The following SMARCA4 variants were observed in gnomAD, a reference collection of about 807,000 sequenced individuals.
The protein encoded by SMARCA4 is SWI/SNF related BAF chromatin remodeling complex subunit ATPase 4.
A neutral mutation model predicts 193.9 loss-of-function variants in SMARCA4; 31 were observed. The ratio of observed to expected loss-of-function variants is 0.16; its 90% CI spans 0.12 to 0.22. The LOEUF (loss-of-function observed/expected upper bound fraction) is 0.22. Ranked by LOEUF, SMARCA4 falls within the 10% of genes least tolerant of loss-of-function variation. The pLI is 1.00. For missense variants in SMARCA4, 1,148 were observed against 2,296.0 expected (o/e 0.50, Z 10.22); for synonymous variants, 942 against 933.1 (o/e 1.01, Z -0.17).
chr19:11,001,647 A>G (rs1441053024), intron 11 of SMARCA4, among the ~76,000 whole-genome samples: 1 of 148,968 alleles, frequency 6.7e-6, no homozygotes, highest in African/African-American at 2.5e-5. Flanking sequence ...TTGTTGGGGT[A>G]AGAGGTTGCT....
intron 30 of SMARCA4, among the ~76,000 whole-genome samples, chr19:11,046,089 G>A (rs1483014230): frequency 1.3e-5 from 2 of 152,162 alleles, no homozygotes; most frequent in Non-Finnish European, 2.9e-5. Flanking sequence ...CAGGCGTGGT[G>A]GCGGGCGCCT....
At position 11,018,120 on chromosome 19, in the gene SMARCA4, G is replaced by A. The variant is rs1483655774; in HGVS notation, c.2439-837G>A. On this transcript the variant is annotated intron_variant, in intron 16 of 34. Transcript: ENST00000344626. ...TCATGGTGGACACAGCACCTCCCTC[G>A]TGGAGCTGCTTGGGGGCAAACCACG... Among the ~76,000 whole-genome samples, 4 of 152,284 alleles carry A rather than the reference G, an allele frequency of 2.6e-5. No homozygotes were observed. In the East Asian group the frequency reaches 5.8e-4, roughly 22 times the overall value.
At chr19:11,002,124 A>G (rs1325850445) in intron 11 of SMARCA4, among the ~76,000 whole-genome samples, 1 of 152,220 alleles carries the variant, frequency 6.6e-6, no homozygotes, top group African/African-American at 2.4e-5. Context: ...GATGGACAGG[A>G]AACTGATACC....
intron 11 of SMARCA4, among the ~76,000 whole-genome samples, chr19:10,996,749 G>C (rs1716842386): frequency 6.6e-6 from 1 of 151,868 alleles, no homozygotes; most frequent in Non-Finnish European, 1.5e-5. Context: ...CTATGCATGT[G>C]CCACAGGATT....
rs1001470840 is a variant in SMARCA4 at position 11,033,573 on chromosome 19, G to A, written c.3774+56G>A. The A allele has an allele frequency of 1.9e-5, 27 of 1,415,634 alleles. No individual in the cohort carries two copies. Among genetic ancestry groups the A allele is most frequent in the African/African-American group, 1.5e-4 (11 of 70,992 alleles). The allele number at this position is 1,415,634 out of a possible 1,614,324, so 87.7% of individuals were successfully genotyped here. On this transcript the variant is annotated intron_variant, in intron 26 of 34. Transcript: ENST00000344626. The surrounding 1 kb of genome is among the most constrained non-coding windows in gnomAD (Gnocchi z 9.8). ...CAGCGTGAATGGTGGACGCGTGAGC[G>A]GCTTTCATTTTTGTTTTTTTACCTT... is the stretch of plus-strand genomic sequence containing the variant.
rs569560327 is a variant in SMARCA4 at position 10,972,464 on chromosome 19, A to G, written c.-32+11290A>G. The stretch of plus-strand genomic sequence containing the variant: ...ATGTGACATTGTGTCATGTTTGGCT[A>G]TTTCTGTCACTCTGCTGTCCACTCC... On this transcript the variant is annotated intron_variant, in intron 1 of 34. Transcript: ENST00000344626. Among the ~76,000 whole-genome samples the G allele has an allele frequency of 2.7e-5, 4 of 148,958 alleles. No individual in the cohort carries two copies. The South Asian group carries it at 6.4e-4, about 24-fold the overall frequency.
chr19:11,018,275 G>C (rs528159486), intron 16 of SMARCA4: 1 of 168,116 alleles, frequency 5.9e-6, no homozygotes, highest in South Asian at 1.4e-4. Context: ...TCCCCTTTGG[G>C]ACTCAGCTTT....
At chr19:11,045,213 G>A (rs1213232382) in intron 30 of SMARCA4, among the ~76,000 whole-genome samples, 43 of 152,152 alleles carry the variant, frequency 2.8e-4, no homozygotes, top group Admixed American at 2.4e-3. Flanking sequence ...CCAGCTACTC[G>A]GGAGGCTGAG....
intron 1 of SMARCA4, among the ~76,000 whole-genome samples, chr19:10,969,211 T>C (rs1416956061): frequency 6.6e-6 from 1 of 152,224 alleles, no homozygotes; most frequent in Non-Finnish European, 1.5e-5. Flanking sequence ...TGCCAAGCCT[T>C]GCTCTAGGGC....
At chr19:10,962,567 A>C (rs2083893920) in intron 1 of SMARCA4, among the ~76,000 whole-genome samples, 1 of 152,040 alleles carries the variant, frequency 6.6e-6, no homozygotes, top group Admixed American at 6.6e-5. Context: ...TTTTTGAGGC[A>C]GAGTCTTGCC....
intron 34 of SMARCA4, among the ~76,000 whole-genome samples, chr19:11,061,199 A>AT (rs2076849781): frequency 9.5e-5 from 7 of 73,826 alleles, no homozygotes; most frequent in Non-Finnish European, 1.5e-4. Context: ...AAAAAAAAAA[A>AT]AAAAAATATA....
intron 11 of SMARCA4, among the ~76,000 whole-genome samples, chr19:11,000,896 C>T (rs1347118530): frequency 2.0e-5 from 3 of 150,566 alleles, no homozygotes; most frequent in Non-Finnish European, 4.4e-5. Flanking sequence ...TGGGAAAGTG[C>T]ATGAAGTGGG....
chr19:11,013,914 C>T (rs956980978), intron 16 of SMARCA4, among the ~76,000 whole-genome samples: 2 of 152,094 alleles, frequency 1.3e-5, no homozygotes, highest in Admixed American at 6.5e-5. Flanking sequence ...AAACAGAGTC[C>T]GCCCCCCTGC....
In SMARCA4 at chr19:11,058,421, G is replaced by A. The variant is rs1033708273; in HGVS notation, c.4533+58G>A. The A allele has an allele frequency of 3.7e-5, 45 of 1,206,264 alleles. No individual in the cohort carries two copies. Among genetic ancestry groups the A allele is most frequent in the Non-Finnish European group, 5.1e-5 (42 of 816,250 alleles). The allele number at this position is 1,206,264 out of a possible 1,614,324, so 74.7% of individuals were successfully genotyped here. A position where few individuals can be genotyped will look rare whatever the true frequency, so the allele number is the denominator to read the frequency against. ...TGCCCGGAGGGGAGTCTGACCCAGG[G>A]GCACCCCCATCTGAGAGCTGTGGTG... On this transcript the variant is annotated intron_variant, in intron 31 of 34. Coordinates refer to ENST00000344626, the MANE Select transcript of SMARCA4 (RefSeq NM_003072.5). The surrounding 1 kb of genome is among the most constrained non-coding windows in gnomAD (Gnocchi z 5.8).
At chr19:11,044,912 G>T (rs1353903092) in intron 30 of SMARCA4, among the ~76,000 whole-genome samples, 1 of 152,198 alleles carries the variant, frequency 6.6e-6, no homozygotes, top group Admixed American at 6.5e-5. Context: ...ATCTACAGGG[G>T]CATGGATCAG....
chr19:10,965,730 T>C (rs2084162235), intron 1 of SMARCA4, among the ~76,000 whole-genome samples: 2 of 152,188 alleles, frequency 1.3e-5, no homozygotes, highest in South Asian at 4.1e-4. Flanking sequence ...TTGTAGGCAG[T>C]TGTGACCCGA....
chr19:10,991,574 G>T (rs1331126979), intron 8 of SMARCA4, among the ~76,000 whole-genome samples: 1 of 152,254 alleles, frequency 6.6e-6, no homozygotes, highest in African/African-American at 2.4e-5. Context: ...ATCAAGCCAG[G>T]ATAGAGAGGA....
intron 16 of SMARCA4, among the ~76,000 whole-genome samples, chr19:11,017,050 G>T (rs1409796047): frequency 6.6e-6 from 1 of 152,114 alleles, no homozygotes; most frequent in Non-Finnish European, 1.5e-5. Flanking sequence ...TCATGTGCGC[G>T]TGCTGATGCT....
rs138145522 is a variant in SMARCA4, at chr19:10,987,096, C to A, written c.859+93C>A. ...ATGAGCTTTGTCAGGGAGAAAGGGC[C>A]GAGGGTGGTCAGGCTGAACTGCAGC... On this transcript the variant is annotated intron_variant, in intron 5 of 34. Transcript: ENST00000344626. The surrounding 1 kb of genome is among the most constrained non-coding windows in gnomAD (Gnocchi z 5.3). 4.3e-6 allele frequency: 4 copies of A among 922,332 alleles called. No homozygotes were observed. The highest frequency in any genetic ancestry group is 3.4e-6 in the Non-Finnish European group (2 of 581,558). 57.1% of individuals were successfully genotyped at this position (922,332 alleles called of 1,614,324 possible). A position where few individuals can be genotyped will look rare whatever the true frequency, so the allele number is the denominator to read the frequency against.
Sources: gnomAD v4.1 joint callset for allele counts (sites outside exome capture counted in the v4.1 genomes callset) on GRCh38, gnomAD v4.1.1 for gene constraint, Gnocchi (gnomAD v3.1) non-coding constraint, MANE v1.5 for transcripts, NCBI Gene and HGNC (gene_info 2026-07-23, HGNC 2026-07-21) for gene names.